The following AARS1 variants were observed in gnomAD, a reference collection of about 807,000 sequenced individuals.
AARS1 encodes alanine--tRNA ligase, cytoplasmic.
Under a neutral mutation model 108.9 loss-of-function variants are expected in AARS1, and 72 were observed. The observed-to-expected ratio is 0.66, with a 90% confidence interval of 0.55 to 0.80. The LOEUF (loss-of-function observed/expected upper bound fraction) is 0.80, where lower values mean the gene tolerates loss of function less well. Among genes scored for constraint, AARS1 ranks in the 30% least tolerant of loss-of-function variants. The pLI is 0.00. For missense variants in AARS1, 1,193 were observed against 1,233.2 expected, an observed-to-expected ratio of 0.97 and a Z score of 0.49; for synonymous variants, 489 against 465.7, an observed-to-expected ratio of 1.05 and a Z score of -0.64.
intron 2 of AARS1, among the ~76,000 whole-genome samples, chr16:70,280,456 G>A (rs112303399): frequency 1.3e-5 from 2 of 152,260 alleles, no homozygotes; most frequent in African/African-American, 4.8e-5. Flanking sequence ...AATTACAGGC[G>A]CACTGTGCCC....
At position 70,267,673 on chromosome 16, in the gene AARS1, C is replaced by G. The variant is rs551899273; in HGVS notation, c.1208G>C (p.Ser403Thr). 5 of 1,614,184 alleles carry G rather than the reference C, an allele frequency of 3.1e-6. No homozygotes were observed. The South Asian group carries it at 4.4e-5, about 14-fold the overall frequency. The change falls in exon 9 of 21, where the codon AGC (serine) becomes ACC (threonine). Residue 403 changes from serine to threonine, a missense_variant. Ser to Thr is a moderately conservative substitution (Grantham distance 58). Transcript: ENST00000261772. ...LDRKIQSLGDSKTIPGDTAWL... is the reference protein window; with the variant it reads ...LDRKIQSLGDTKTIPGDTAWL... Reference sequence around the variant, plus strand: ...CTGGTACCTACCGGGAATGGTCTTGCTGTCTCCCAGGCTCTGAATTTTCCT... The same window carrying G: ...CTGGTACCTACCGGGAATGGTCTTGGTGTCTCCCAGGCTCTGAATTTTCCT...
chr16:70,274,400 C>T (rs1181071744), intron 4 of AARS1, among the ~76,000 whole-genome samples: 1 of 151,624 alleles, frequency 6.6e-6, no homozygotes. Context: ...AAGAAACAAA[C>T]TGTTTCATAT....
rs779166139 is a variant in AARS1 at position 70,262,426 on chromosome 16, T to C, written c.1591A>G (p.Lys531Glu). ...CCTTGCTCAGCATAGAAACAGGTCT[T>C]GTCCAGCACCACTCCACACTCCTGG... The part of the protein sequence containing the change: ...TGQECGVVLD[K>E]TCFYAEQGGQ... The change falls in exon 12 of 21, where the codon AAG (lysine) becomes GAG (glutamate). Residue 531 changes from lysine to glutamate, a missense_variant. Transcript: ENST00000261772. 6 of 1,614,210 alleles carry C rather than the reference T, an allele frequency of 3.7e-6. No homozygotes were observed. Among genetic ancestry groups the C allele is most frequent in the Non-Finnish European group, 5.1e-6 (6 of 1,180,040 alleles).
At chr16:70,280,422 C>T (rs896581903) in intron 2 of AARS1, among the ~76,000 whole-genome samples, 6 of 152,188 alleles carry the variant, frequency 3.9e-5, no homozygotes, top group African/African-American at 1.4e-4. Context: ...GTGATCCTCC[C>T]GTCTCAGCCT....
chr16:70,282,542 C>T (rs547599454), intron 2 of AARS1, 78 bp downstream of exon 2: 31 of 1,566,198 alleles, frequency 2.0e-5, no homozygotes, highest in Non-Finnish European at 2.6e-5. Flanking sequence ...ATCGGTCTGA[C>T]CCCAGGGCTG....
At chr16:70,259,456 C>T (rs1213355942) in intron 13 of AARS1, among the ~76,000 whole-genome samples, 1 of 152,116 alleles carries the variant, frequency 6.6e-6, no homozygotes, top group Non-Finnish European at 1.5e-5. Context: ...TGCCAAATGA[C>T]GGCCGATGGC....
rs1474462184 is a variant in AARS1, at chr16:70,276,500, G to C, written c.465C>G (p.Ile155Met). 7 of 1,613,898 alleles carry C rather than the reference G, an allele frequency of 4.3e-6. No individual in the cohort carries two copies. The highest frequency in any genetic ancestry group is 1.3e-5 in the African/African-American group (1 of 74,906). ...TGCATTCTTACCCCAAATTTTGCCAGATCTGTTTGCATTCCAGATCTGCTT... is the reference window on the plus strand; with the variant it reads ...TGCATTCTTACCCCAAATTTTGCCACATCTGTTTGCATTCCAGATCTGCTT... ...GLEADLECKQ[I>M]WQNLGLDDTK... The change falls in exon 4 of 21, where the codon ATC becomes ATG. Residue 155 changes from isoleucine (I) to methionine (M), a missense_variant. Ile to Met is a conservative substitution (Grantham distance 10). Transcript: ENST00000261772.
intron 1 of AARS1, among the ~76,000 whole-genome samples, chr16:70,284,982 C>A (rs986453242): frequency 6.6e-6 from 1 of 152,174 alleles, no homozygotes; most frequent in Non-Finnish European, 1.5e-5. Flanking sequence ...GTAATCCCAG[C>A]ACTTTGGGAG....
At position 70,276,543 on chromosome 16, in the gene AARS1, TC is replaced by T; in HGVS notation, c.421del (p.Asp141MetfsTer6). ...ATCTGCTTCTAAGCCAGCTGCTTCA[TC>T]CCCGCCAAAGTAAGTAACATAAAGT... ...ERLYVTYFGGDEAAGLEADLE... is the reference protein window; with the variant it reads ...ERLYVTYFGGXEAAGLEADLE... On this transcript the variant is annotated frameshift_variant, in exon 4 of 21. Transcript: ENST00000261772. LOFTEE classifies it high-confidence loss of function. 1 of 1,614,120 alleles carries T rather than the reference TC, an allele frequency of 6.2e-7. No individual in the cohort carries two copies. Among genetic ancestry groups the T allele is most frequent in the South Asian group, 1.1e-5 (1 of 91,084 alleles).
chr16:70,270,287 A>G lies in AARS1; in HGVS notation c.725T>C (p.Met242Thr). Residue 242 changes from methionine to threonine, a missense_variant, in exon 6 of 21, where the codon ATG (methionine) becomes ACG (threonine). Physicochemically the swap from Met to Thr is moderately conservative, Grantham distance 81 (BLOSUM62 -1). Transcript: ENST00000261772. ...PLPKKSIDTGMGLERLVSVLQ... is the reference protein window; with the variant it reads ...PLPKKSIDTGTGLERLVSVLQ... ...CACAGATACCAGTCGTTCCAGGCCCATCCCTGTGTCAATGCTTTTCTTGGG... is the reference window on the plus strand; with the variant it reads ...CACAGATACCAGTCGTTCCAGGCCCGTCCCTGTGTCAATGCTTTTCTTGGG... 1 of 1,614,190 alleles carries G rather than the reference A, an allele frequency of 6.2e-7. No homozygotes were observed. Among genetic ancestry groups the G allele is most frequent in the Non-Finnish European group, 8.5e-7 (1 of 1,180,018 alleles).
intron 15 of AARS1, among the ~76,000 whole-genome samples, chr16:70,257,008 G>C (rs1052296409): frequency 5.3e-5 from 8 of 152,052 alleles, no homozygotes; most frequent in African/African-American, 1.9e-4. Context: ...CCAGCACTTT[G>C]GGAGGCTGAG....
intron 14 of AARS1, 110 bp from the exon 15 acceptor site, chr16:70,258,327 G>A (rs1456624278): frequency 1.7e-6 from 2 of 1,201,732 alleles, no homozygotes; most frequent in Non-Finnish European, 2.4e-6. Context: ...AACCTGGCTT[G>A]GCCTAGCACG....
chr16:70,272,066 C>T (rs903603190), intron 4 of AARS1, 94 bp from the exon 5 acceptor site: 8 of 1,205,016 alleles, frequency 6.6e-6, no homozygotes, highest in South Asian at 4.9e-5. Context: ...TAGGATTGGC[C>T]GGGCACAGTG....
At chr16:70,276,438 G>A (rs745911016) in intron 4 of AARS1, 48 bp downstream of exon 4, 1 of 1,606,328 alleles carries the variant, frequency 6.2e-7, no homozygotes, top group Non-Finnish European at 8.5e-7. Flanking sequence ...CTGGCACTGA[G>A]TGTCATTTCA....
chr16:70,269,896 G>A (rs1012506624), intron 6 of AARS1, 133 bp from the exon 7 acceptor site: 1 of 1,225,556 alleles, frequency 8.2e-7, no homozygotes, highest in Non-Finnish European at 1.2e-6. Flanking sequence ...ATAACCCCAA[G>A]AACGTGACAT....
At chr16:70,287,962 T>A (rs1001311674) in intron 1 of AARS1, among the ~76,000 whole-genome samples, 12 of 151,812 alleles carry the variant, frequency 7.9e-5, no homozygotes, top group Non-Finnish European at 1.2e-4. Context: ...ACGGGGTTTC[T>A]CCATGTTGGT....
rs377325175 is a variant in AARS1 at position 70,253,253 on chromosome 16, C to A, written c.2721+15G>T. Reference sequence around the variant, plus strand: ...TAAGACCTAACACTTCCCACTGGTGCGAGGTGGTGCTGACCTGGGGAACTT... The same window carrying A: ...TAAGACCTAACACTTCCCACTGGTGAGAGGTGGTGCTGACCTGGGGAACTT... On this transcript the variant is annotated intron_variant, in intron 20 of 20. Transcript: ENST00000261772. 1.6e-5 allele frequency: 25 copies of A among 1,581,798 alleles called. No individual in the cohort carries two copies. The African/African-American group carries it at 3.1e-4, about 20-fold the overall frequency.
intron 6 of AARS1, 104 bp from the exon 7 acceptor site, chr16:70,269,867 G>T: frequency 6.9e-7 from 1 of 1,455,572 alleles, no homozygotes; most frequent in Non-Finnish European, 9.5e-7. Flanking sequence ...CAGAAAGGAT[G>T]CCGGTCTTGC....
In AARS1 at chr16:70,278,437, C is replaced by T. The variant is rs564530687; in HGVS notation, c.145-1283G>A. Among the ~76,000 whole-genome samples, 53 of 151,642 alleles carry T rather than the reference C, an allele frequency of 3.5e-4. No individual in the cohort carries two copies. In the East Asian group the frequency reaches 9.6e-3, roughly 27 times the overall value. ...AAAATTAGCCAGCCATGGTGGTGCA[C>T]GCCTGTAATTCCAGCTACTCAGGAG... is the stretch of plus-strand genomic sequence containing the variant. On this transcript the variant is annotated intron_variant, in intron 2 of 20. Coordinates refer to ENST00000261772, the MANE Select transcript of AARS1 (RefSeq NM_001605.3).
Sources: gnomAD v4.1 joint callset for allele counts (sites outside exome capture counted in the v4.1 genomes callset) on GRCh38, gnomAD v4.1.1 for gene constraint, MANE v1.5 for transcripts, NCBI Gene and HGNC (gene_info 2026-07-23, HGNC 2026-07-21) for gene names.